SORCS1: variants seen among roughly 807,000 people sequenced by gnomAD.
SORCS1 encodes the protein sortilin related VPS10 domain containing receptor 1, also known as VPS10 domain-containing receptor SorCS1.
SORCS1 carries 60 observed loss-of-function variants against 146.1 expected under a neutral mutation model. That is an observed-to-expected ratio of 0.41 (90% CI 0.33 to 0.51). The LOEUF is 0.51. Ranked by LOEUF, SORCS1 falls within the 20% of genes least tolerant of loss-of-function variation. The pLI is 0.21. For synonymous variants in SORCS1, 637 were observed against 584.0 expected, an observed-to-expected ratio of 1.09 and a Z score of -1.31; for missense variants, 1,352 against 1,487.6, an observed-to-expected ratio of 0.91 and a Z score of 1.50.
intron 8 of SORCS1, among the ~76,000 whole-genome samples, chr10:106,702,522 C>T (rs1031839201): frequency 3.3e-5 from 5 of 152,146 alleles, no homozygotes; most frequent in African/African-American, 1.2e-4. Context: ...GATAGGAAAA[C>T]ACAGATGTAT....
At chr10:106,832,553 C>T (rs1948598329) in intron 2 of SORCS1, among the ~76,000 whole-genome samples, 2 of 152,064 alleles carry the variant, frequency 1.3e-5, no homozygotes, top group Admixed American at 1.3e-4. Context: ...AGTCAACATT[C>T]TCTTTCTTGT....
chr10:106,656,255 A>T (rs1284692638), intron 17 of SORCS1, among the ~76,000 whole-genome samples: 1 of 152,218 alleles, frequency 6.6e-6, no homozygotes, highest in Non-Finnish European at 1.5e-5. Flanking sequence ...GTCTTAAAAA[A>T]GATGAAGGCA....
intron 2 of SORCS1, 116 bp from the exon 3 acceptor site, chr10:106,829,789 T>C (rs1948461684): frequency 1.5e-6 from 1 of 648,584 alleles, no homozygotes; most frequent in Non-Finnish European, 2.7e-6. Context: ...CAATGATTCA[T>C]GTAGTATATA....
At chr10:106,912,379 T>A (rs961565884) in intron 2 of SORCS1, among the ~76,000 whole-genome samples, 3 of 152,080 alleles carry the variant, frequency 2.0e-5, no homozygotes, top group Non-Finnish European at 4.4e-5. Flanking sequence ...TACGAGATGA[T>A]CCTTTTATTT....
chr10:107,087,140 T>TTTAA (rs1279210953), intron 1 of SORCS1, among the ~76,000 whole-genome samples: 1 of 152,246 alleles, frequency 6.6e-6, no homozygotes, highest in African/African-American at 2.4e-5. Context: ...TCTCTTTTAC[T>TTTAA]TTAAGTCCGT....
chr10:107,110,525 T>C (rs900622848), intron 1 of SORCS1, among the ~76,000 whole-genome samples: 1 of 151,902 alleles, frequency 6.6e-6, no homozygotes, highest in Admixed American at 6.6e-5. Context: ...TACAGACTTT[T>C]AAATGACTAG....
intron 1 of SORCS1, among the ~76,000 whole-genome samples, chr10:107,146,164 C>T (rs1228092251): frequency 6.6e-6 from 1 of 152,128 alleles, no homozygotes; most frequent in Admixed American, 6.5e-5. Context: ...GAAGCAGAAG[C>T]AGATACATGT....
chr10:106,692,368 T>C (rs530224437), intron 9 of SORCS1, among the ~76,000 whole-genome samples: 30 of 152,232 alleles, frequency 2.0e-4, no homozygotes, highest in Admixed American at 3.9e-4. Flanking sequence ...CGCCAGCCCC[T>C]GTTTTTTTTC....
At chr10:106,998,597 T>C (rs1306418482) in intron 1 of SORCS1, among the ~76,000 whole-genome samples, 1 of 152,242 alleles carries the variant, frequency 6.6e-6, no homozygotes, top group African/African-American at 2.4e-5. Flanking sequence ...CTTTCAGATA[T>C]ACAGTTAATG....
chr10:106,789,226 C>G (rs937389351), intron 3 of SORCS1, among the ~76,000 whole-genome samples: 1 of 152,176 alleles, frequency 6.6e-6, no homozygotes, highest in Non-Finnish European at 1.5e-5. Flanking sequence ...CTCCAAGTCT[C>G]TGATAGGAGG....
chr10:107,065,507 C>CCTCTCCTCT (rs1564992553), intron 1 of SORCS1, among the ~76,000 whole-genome samples: 1 of 43,922 alleles, frequency 2.3e-5, no homozygotes, highest in African/African-American at 9.6e-5. Flanking sequence ...CCTCTCCTCT[C>CCTCTCCTCT]CTCTCTTTCT....
intron 1 of SORCS1, among the ~76,000 whole-genome samples, chr10:107,108,628 C>G (rs905096111): frequency 1.1e-4 from 17 of 152,086 alleles, no homozygotes; most frequent in African/African-American, 4.1e-4. Flanking sequence ...GAAGAAAAAT[C>G]CACACTATAT....
At chr10:107,006,584 G>C (rs528172451) in intron 1 of SORCS1, among the ~76,000 whole-genome samples, 2 of 152,192 alleles carry the variant, frequency 1.3e-5, no homozygotes, top group Non-Finnish European at 2.9e-5. Context: ...TTGGGAGGCC[G>C]AGGCGGGCAG....
chr10:107,033,356 G>C (rs537961057), intron 1 of SORCS1, among the ~76,000 whole-genome samples: 8 of 152,254 alleles, frequency 5.3e-5, no homozygotes, highest in African/African-American at 1.4e-4. Flanking sequence ...TGGGGACGTA[G>C]AGCCAAATCA....
At chr10:107,171,951 C>T in the SORCS1 span, among the ~76,000 whole-genome samples, 6 of 152,208 alleles carry the variant, frequency 3.9e-5, no homozygotes, top group Non-Finnish European at 7.3e-5. Flanking sequence ...CAACTACCTG[C>T]TCAGTTACTA....
rs146650584 is a variant in SORCS1, at chr10:106,776,607, T to A, written c.812A>T (p.Asn271Ile). 21 of 1,613,942 alleles carry A rather than the reference T, an allele frequency of 1.3e-5. No individual in the cohort carries two copies. The African/African-American group carries it at 2.0e-4, about 15-fold the overall frequency. The change falls in exon 4 of 26, where the codon AAC becomes ATC. Residue 271 changes from asparagine (N) to isoleucine (I), a missense_variant. Asn to Ile is a moderately radical substitution (Grantham distance 149, BLOSUM62 -3). Coordinates refer to ENST00000263054, the MANE Select transcript of SORCS1 (RefSeq NM_052918.5). Reference sequence around the variant, plus strand: ...AAAAAGCAAGCTTTGAATGTAGAAGTTCAGCCGGTACTTTTGATAAGTTGC... The same window carrying A: ...AAAAAGCAAGCTTTGAATGTAGAAGATCAGCCGGTACTTTTGATAAGTTGC... ...EGATYQKYRL[N>I]FYIQSLLFHP...
At chr10:106,612,135 G>C (rs1285000150) in intron 21 of SORCS1, 112 bp from the exon 22 acceptor site, 6 of 750,148 alleles carry the variant, frequency 8.0e-6, no homozygotes, top group Non-Finnish European at 1.3e-5. Flanking sequence ...ACTTACCATA[G>C]GGACCTTTTT....
chr10:107,018,311 A>C (rs1028270853), intron 1 of SORCS1, among the ~76,000 whole-genome samples: 4 of 151,464 alleles, frequency 2.6e-5, no homozygotes, highest in Non-Finnish European at 5.9e-5. Flanking sequence ...GGTAGCTGGG[A>C]CTACAGGCAC....
At chr10:106,674,575 T>G (rs1851884859) in intron 14 of SORCS1, among the ~76,000 whole-genome samples, 1 of 152,110 alleles carries the variant, frequency 6.6e-6, no homozygotes, top group Non-Finnish European at 1.5e-5. Flanking sequence ...TTAATGATCA[T>G]CACATTCCAG....
Sources: allele counts gnomAD v4.1 joint callset (sites outside exome capture counted in the v4.1 genomes callset), GRCh38; gene constraint gnomAD v4.1.1; transcripts MANE v1.5; gene names NCBI Gene and HGNC (gene_info 2026-07-23, HGNC 2026-07-21).